Variants in DHX58 observed in about 807,000 individuals in gnomAD.
DHX58 encodes the protein DExH-box helicase 58, also known as ATP-dependent RNA helicase DHX58.
Under a neutral mutation model 65.0 loss-of-function variants are expected in DHX58, and 51 were observed. The observed-to-expected ratio is 0.78, with a 90% CI of 0.63 to 0.99. The LOEUF (loss-of-function observed/expected upper bound fraction) is 0.99, where lower values mean the gene tolerates loss of function less well. Ranked by LOEUF, DHX58 falls within the 50% of genes least tolerant of loss-of-function variation. The probability of loss-of-function intolerance (pLI) is 0.00; values close to 1 mark genes in which losing one functional copy is unlikely to be tolerated. For missense variants in DHX58, 773 were observed against 891.8 expected (o/e 0.87, Z 1.70); for synonymous variants, 350 against 365.0 (o/e 0.96, Z 0.47).
intron 12 of DHX58, 29 bp downstream of exon 12, chr17:42,103,579 A>G (rs2143985968): frequency 6.2e-7 from 1 of 1,612,338 alleles, no homozygotes; most frequent in East Asian, 2.2e-5. Flanking sequence ...CCAGGCCCCC[A>G]TCCCAGTAGC....
chr17:42,111,825 C>G lies in DHX58; in HGVS notation c.68G>C (p.Trp23Ser). The change falls in exon 3 of 14, where the codon TGG (tryptophan) becomes TCG (serine). Residue 23 changes from tryptophan (W) to serine (S), a missense_variant. Coordinates refer to ENST00000251642, the MANE Select transcript of DHX58 (RefSeq NM_024119.3). Reference protein sequence around the residue: ...PALEGKNIIIWLPTGAGKTRA... With the variant: ...PALEGKNIIISLPTGAGKTRA... ...GGTCTTCCCGGCACCCGTGGGCAGC[C>G]AGATGATGATATTCTTGCCCTCCAG... is the stretch of plus-strand genomic sequence containing the variant. 1 of 1,614,128 alleles carries G rather than the reference C, an allele frequency of 6.2e-7. No homozygotes were observed. Among genetic ancestry groups the G allele is most frequent in the Non-Finnish European group, 8.5e-7 (1 of 1,179,992 alleles).
Position 42,101,843 on chromosome 17 carries a change from C to T in DHX58, c.1955G>A (p.Trp652Ter), listed in dbSNP as rs1241822335. 1 of 1,614,136 alleles carries T rather than the reference C, an allele frequency of 6.2e-7. No individual in the cohort carries two copies. Among genetic ancestry groups the T allele is most frequent in the Non-Finnish European group, 8.5e-7 (1 of 1,180,060 alleles). ...AGGCACGGAGAAGGGCACGCGGGAC[C>T]ACTTTTTGGCCTGGATCCGCCCCTG... ...TPQGRIQAKK[W>*]SRVPFSVPDF... The change falls in exon 14 of 14, where the codon TGG becomes TAG. Residue 652 changes from tryptophan (W) to a stop codon, truncating the protein, a stop_gained. Transcript: ENST00000251642. LOFTEE classifies it high-confidence loss of function.
intron 3 of DHX58, 101 bp from the exon 4 acceptor site, chr17:42,111,598 G>A (rs925252705): frequency 8.2e-6 from 13 of 1,576,002 alleles, no homozygotes; most frequent in African/African-American, 2.7e-5. Flanking sequence ...ACTGAGCCAG[G>A]GTGGAAAGAC....
chr17:42,105,076 G>C lies in DHX58; in HGVS notation c.1343C>G (p.Pro448Arg), dbSNP rs1167968197. ...TSVAEEGLDI[P>R]HCNVVVRYGL... ...ATAACGCACCACCACATTGCAATGT[G>C]GGATGTCCAGCCCCTCCTCCGCCAC... is the stretch of plus-strand genomic sequence containing the variant. The change falls in exon 10 of 14, where the codon CCA becomes CGA. Residue 448 changes from proline (P) to arginine (R), a missense_variant. Coordinates refer to ENST00000251642, the MANE Select transcript of DHX58 (RefSeq NM_024119.3). 3.1e-6 allele frequency: 5 copies of C among 1,613,772 alleles called. No homozygotes were observed. The African/African-American group carries it at 6.7e-5, about 22-fold the overall frequency.
chr17:42,111,843 C>T lies in DHX58; in HGVS notation c.50G>A (p.Gly17Asp), dbSNP rs1294597580. 6.2e-7 allele frequency: 1 copy of T among 1,613,846 alleles called. No individual in the cohort carries two copies. The highest frequency in any genetic ancestry group is 8.5e-7 in the Non-Finnish European group (1 of 1,179,908). Reference sequence around the variant, plus strand: ...GGGCAGCCAGATGATGATATTCTTGCCCTCCAGGGCAGGCATGATCACCTC... The same window carrying T: ...GGGCAGCCAGATGATGATATTCTTGTCCTCCAGGGCAGGCATGATCACCTC... Reference protein sequence around the residue: ...QWEVIMPALEGKNIIIWLPTG... With the variant: ...QWEVIMPALEDKNIIIWLPTG... The change falls in exon 3 of 14, where the codon GGC (glycine) becomes GAC (aspartate). Residue 17 changes from glycine (G) to aspartate (D), a missense_variant. Gly to Asp is a moderately conservative substitution (Grantham distance 94). Coordinates refer to ENST00000251642, the MANE Select transcript of DHX58 (RefSeq NM_024119.3).
At chr17:42,106,379 G>A (rs1221150403) in intron 8 of DHX58, among the ~76,000 whole-genome samples, 2 of 147,984 alleles carry the variant, frequency 1.4e-5, no homozygotes, top group African/African-American at 5.0e-5. Flanking sequence ...TTGGAGTGGG[G>A]AGGGCACTGG....
Position 42,104,753 on chromosome 17 carries a change from G to C in DHX58, c.1563+13C>G, listed in dbSNP as rs1390061744. On this transcript the variant is annotated intron_variant, in intron 11 of 13. Coordinates refer to ENST00000251642, the MANE Select transcript of DHX58 (RefSeq NM_024119.3). ...CCCATCCCTCCCACAGGGCATGCAG[G>C]CTGCCTGCAGACCTTGGCCTGGTAC... The C allele has an allele frequency of 6.2e-7, 1 of 1,613,078 alleles. No homozygotes were observed. The highest frequency in any genetic ancestry group is 1.3e-5 in the African/African-American group (1 of 75,034).
chr17:42,109,654 G>A (rs568402397), intron 5 of DHX58, among the ~76,000 whole-genome samples: 90 of 152,332 alleles, frequency 5.9e-4, no homozygotes, highest in African/African-American at 2.1e-3. Context: ...CCAGCACTTT[G>A]GGAGGCCAAG....
At position 42,104,845 on chromosome 17, in the gene DHX58, A is replaced by ATCAGCTCCCGCT. The variant is rs782499333; in HGVS notation, c.1472_1483dup (p.Lys491_Leu494dup). 5 of 1,614,108 alleles carry ATCAGCTCCCGCT rather than the reference A, an allele frequency of 3.1e-6. No individual in the cohort carries two copies. Among genetic ancestry groups the ATCAGCTCCCGCT allele is most frequent in the Admixed American group, 3.3e-5 (2 of 60,020 alleles). Reference sequence around the variant, plus strand: ...CATCAGCGTCTCCAGCGCCTCGTTGATCAGCTCCCGCTTCAGCTCCCGGCT... The same window carrying ATCAGCTCCCGCT: ...CATCAGCGTCTCCAGCGCCTCGTTGATCAGCTCCCGCTTCAGCTCCCGCTTCAGCTCCCGGCT... On this transcript the variant is annotated inframe_insertion, in exon 11 of 14. Transcript: ENST00000251642.
At chr17:42,104,391 G>T (rs1433546872) in intron 11 of DHX58, among the ~76,000 whole-genome samples, 1 of 152,228 alleles carries the variant, frequency 6.6e-6, no homozygotes, top group Non-Finnish European at 1.5e-5. Context: ...AGGCAGGATG[G>T]TGGTGGCCCT....
chr17:42,110,971 G>T lies in DHX58; in HGVS notation c.371-58C>A, dbSNP rs1238229619. 1.9e-5 allele frequency: 28 copies of T among 1,510,634 alleles called. No homozygotes were observed. In the African/African-American group the frequency reaches 1.9e-4, roughly 11 times the overall value. 93.6% of individuals were successfully genotyped at this position (1,510,634 alleles called of 1,614,324 possible). A position where few individuals can be genotyped will look rare whatever the true frequency, so the allele number is the denominator to read the frequency against. ...GTTTGCAAAGCCCTTCCTCCCATCA[G>T]CTTTCAAGTAGTCCCCACAATGATG... On this transcript the variant is annotated intron_variant, in intron 4 of 13. Transcript: ENST00000251642.
Position 42,109,376 on chromosome 17 carries a change from T to C in DHX58, c.572A>G (p.Asn191Ser), listed in dbSNP as rs782511717. The change falls in exon 6 of 14, where the codon AAC (asparagine) becomes AGC (serine). Residue 191 changes from asparagine (N) to serine (S), a missense_variant. Transcript: ENST00000251642. The stretch of plus-strand genomic sequence containing the variant: ...TGACATGATGCACCACGTGTCCAAG[T>C]TGGCACAGAGCTGGGGGCAACAGAG... ...AINHVLQLCANLDTWCIMSPQ... is the reference protein window; with the variant it reads ...AINHVLQLCASLDTWCIMSPQ... 3 of 1,613,294 alleles carry C rather than the reference T, an allele frequency of 1.9e-6. No individual in the cohort carries two copies. Among genetic ancestry groups the C allele is most frequent in the Non-Finnish European group, 2.5e-6 (3 of 1,179,714 alleles).
chr17:42,111,153 A>C, intron 4 of DHX58, 143 bp downstream of exon 4: 3 of 1,083,388 alleles, frequency 2.8e-6, no homozygotes, highest in Non-Finnish European at 3.9e-6. Flanking sequence ...TGTTTCTACT[A>C]GAGTGCCTGC....
rs1487428591 is a variant in DHX58, at chr17:42,110,957, C to A, written c.371-44G>T. 13 of 1,536,130 alleles carry A rather than the reference C, an allele frequency of 8.5e-6. 1 individual carries two copies. The African/African-American group carries it at 1.8e-4, about 21-fold the overall frequency. On this transcript the variant is annotated intron_variant, in intron 4 of 13. Coordinates refer to ENST00000251642, the MANE Select transcript of DHX58 (RefSeq NM_024119.3). ...AGGCTGTGACCTATGTTTGCAAAGC[C>A]CTTCCTCCCATCAGCTTTCAAGTAG...
chr17:42,104,935 G>A lies in DHX58; in HGVS notation c.1402-8C>T. On this transcript the variant is annotated splice_polypyrimidine_tract_variant and splice_region_variant and intron_variant, in intron 10 of 13. Coordinates refer to ENST00000251642, the MANE Select transcript of DHX58 (RefSeq NM_024119.3). ...CCGGGCACGGCCCCTGGCCTGGGAA[G>A]AGAGACAAGGGGTGTCCTGAGTTGG... is the stretch of plus-strand genomic sequence containing the variant. 1 of 1,614,032 alleles carries A rather than the reference G, an allele frequency of 6.2e-7. No individual in the cohort carries two copies. Among genetic ancestry groups the A allele is most frequent in the Non-Finnish European group, 8.5e-7 (1 of 1,180,004 alleles).
In DHX58 at chr17:42,109,308, G is replaced by A. The variant is rs782341122; in HGVS notation, c.640C>T (p.Pro214Ser). ...CPQLQEHSQQ[P>S]CKQYNLCHRR... ...TGGCAGAGGTTGTACTGTTTGCAAG[G>A]CTGTTGGCTGTGCTCCTGCAGCTGG... is the stretch of plus-strand genomic sequence containing the variant. The change falls in exon 6 of 14, where the codon CCT becomes TCT. Residue 214 changes from proline to serine, a missense_variant. Physicochemically the swap from Pro to Ser is moderately conservative, Grantham distance 74. Transcript: ENST00000251642. 1.9e-6 allele frequency: 3 copies of A among 1,613,768 alleles called. No individual in the cohort carries two copies. The African/African-American group carries it at 4.0e-5, about 22-fold the overall frequency.
At position 42,107,765 on chromosome 17, in the gene DHX58, ACCCGTTGCT is replaced by A. The variant is rs1568004471; in HGVS notation, c.827_835del (p.Glu276_Arg278del). On this transcript the variant is annotated inframe_deletion, in exon 8 of 14. Transcript: ENST00000251642. ...GTAGCGCCTCAGGTGAAGCGCATAC[ACCCGTTGCT>A]CCTGAAGCCCAGCCAAAGCCGCTGC... 1 of 1,591,108 alleles carries A rather than the reference ACCCGTTGCT, an allele frequency of 6.3e-7. No homozygotes were observed. The highest frequency in any genetic ancestry group is 1.8e-5 in the Admixed American group (1 of 56,566).
intron 4 of DHX58, among the ~76,000 whole-genome samples, 153 bp from the exon 5 acceptor site, chr17:42,111,066 T>C (rs1256831472): frequency 6.6e-6 from 1 of 152,184 alleles, no homozygotes; most frequent in African/African-American, 2.4e-5. Flanking sequence ...GGAAGACTTC[T>C]TTCCATTTCA....
rs990769510 is a variant in DHX58, at chr17:42,109,791, A to C, written c.562-405T>G. ...GCGCCTGTAGTCTCAGCTACTCGGG[A>C]GGCTGAGACAGAAGAATCACTTGAA... On this transcript the variant is annotated intron_variant, in intron 5 of 13. Transcript: ENST00000251642. Among the ~76,000 whole-genome samples, 6 of 152,040 alleles carry C rather than the reference A, an allele frequency of 3.9e-5. No individual in the cohort carries two copies. The East Asian group carries it at 1.2e-3, about 29-fold the overall frequency.
Sources: gnomAD v4.1 joint callset for allele counts (sites outside exome capture counted in the v4.1 genomes callset) on GRCh38, gnomAD v4.1.1 for gene constraint, MANE v1.5 for transcripts, NCBI Gene and HGNC (gene_info 2026-07-23, HGNC 2026-07-21) for gene names.